The following GABRB2 variants were observed in gnomAD, a reference collection of about 807,000 sequenced individuals.
GABRB2 encodes gamma-aminobutyric acid receptor subunit beta-2.
In GABRB2, 16 loss-of-function variants were observed where a neutral mutation model predicts 54.7. The ratio of observed to expected loss-of-function variants is 0.29; its 90% CI spans 0.20 to 0.44. GABRB2 has a LOEUF of 0.44. GABRB2 is among the 20% of genes least tolerant of loss of function. GABRB2 has a pLI of 1.00. For missense variants in GABRB2, 355 were observed against 644.0 expected (o/e 0.55, Z 4.86); for synonymous variants, 244 against 233.8 (o/e 1.04, Z -0.40).
chr5:161,534,064 A>C (rs1218110702), intron 3 of GABRB2, among the ~76,000 whole-genome samples: 1 of 152,196 alleles, frequency 6.6e-6, no homozygotes, highest in African/African-American at 2.4e-5. Context: ...AATGGTAATT[A>C]GGCACAAAAA....
intron 3 of GABRB2, among the ~76,000 whole-genome samples, chr5:161,479,865 G>A (rs566310748): frequency 6.6e-6 from 1 of 152,008 alleles, no homozygotes; most frequent in African/African-American, 2.4e-5. Flanking sequence ...TGGGATTACA[G>A]GTGTGAGTCA....
chr5:161,463,547 ATT>A (rs201395694), intron 3 of GABRB2, among the ~76,000 whole-genome samples: 3,011 of 31,346 alleles, frequency 0.096, 127 homozygotes, highest in Non-Finnish European at 0.11. Context: ...GATTCCAAAT[ATT>A]TTTATTTATA....
At chr5:161,311,260 G>A (rs1179923539) in intron 9 of GABRB2, among the ~76,000 whole-genome samples, 3 of 152,210 alleles carry the variant, frequency 2.0e-5, no homozygotes, top group Non-Finnish European at 4.4e-5. Context: ...GAGCTTTTCA[G>A]AGACTTAGCT....
At chr5:161,455,249 G>C (rs915373243) in intron 4 of GABRB2, among the ~76,000 whole-genome samples, 2 of 150,492 alleles carry the variant, frequency 1.3e-5, no homozygotes, top group Admixed American at 6.6e-5. Context: ...GTGGTAGCAA[G>C]GTTCTGGCTG....
chr5:161,449,033 A>G (rs1757716760), intron 4 of GABRB2, among the ~76,000 whole-genome samples: 1 of 152,258 alleles, frequency 6.6e-6, no homozygotes, highest in East Asian at 1.9e-4. Context: ...ATGAATACTC[A>G]GTTCTTTTTA....
chr5:161,360,106 T>TATGTATTTCATA (rs1300800842), intron 5 of GABRB2, among the ~76,000 whole-genome samples: 4 of 151,934 alleles, frequency 2.6e-5, no homozygotes, highest in African/African-American at 9.7e-5. Flanking sequence ...GTAAAAAGAT[T>TATGTATTTCATA]ATGTATTTCA....
At chr5:161,407,455 A>G (rs1756379074) in intron 5 of GABRB2, among the ~76,000 whole-genome samples, 1 of 152,072 alleles carries the variant, frequency 6.6e-6, no homozygotes, top group East Asian at 1.9e-4. Flanking sequence ...TTGTACTAAC[A>G]GTTCTAAATT....
chr5:161,305,472 G>C (rs1757663660), intron 9 of GABRB2, among the ~76,000 whole-genome samples: 1 of 152,194 alleles, frequency 6.6e-6, no homozygotes, highest in African/African-American at 2.4e-5. Context: ...AGGTAGGAAT[G>C]AGAATCTGCC....
At chr5:161,485,840 G>C (rs1322814934) in intron 3 of GABRB2, among the ~76,000 whole-genome samples, 1 of 151,890 alleles carries the variant, frequency 6.6e-6, no homozygotes, top group South Asian at 2.1e-4. Context: ...TTTACACCCT[G>C]GAACTTTCCA....
chr5:161,459,926 G>GA (rs1377279595), intron 3 of GABRB2, 82 bp from the exon 4 acceptor site: 3 of 709,208 alleles, frequency 4.2e-6, no homozygotes, highest in Non-Finnish European at 7.0e-6. Flanking sequence ...GTATTAATAA[G>GA]AAAATGAATT....
chr5:161,309,613 C>A (rs373907348), intron 9 of GABRB2, among the ~76,000 whole-genome samples: 6 of 151,786 alleles, frequency 4.0e-5, no homozygotes, highest in East Asian at 3.9e-4. Context: ...AACCTAAATG[C>A]CCATCAGTGA....
chr5:161,404,277 A>G (rs917962186), intron 5 of GABRB2, among the ~76,000 whole-genome samples: 1 of 152,122 alleles, frequency 6.6e-6, no homozygotes, highest in Non-Finnish European at 1.5e-5. Flanking sequence ...ATTCAAGAAA[A>G]TATCAAAATA....
At chr5:161,366,394 T>C (rs1754974103) in intron 5 of GABRB2, among the ~76,000 whole-genome samples, 1 of 152,192 alleles carries the variant, frequency 6.6e-6, no homozygotes, top group Non-Finnish European at 1.5e-5. Flanking sequence ...CACATTTGGA[T>C]ACTTGAATCT....
chr5:161,511,958 G>C (rs1277873356), intron 3 of GABRB2, among the ~76,000 whole-genome samples: 1 of 151,930 alleles, frequency 6.6e-6, no homozygotes, highest in Non-Finnish European at 1.5e-5. Flanking sequence ...ATATGAATTT[G>C]AGTCACACAA....
rs762123522 is a variant in GABRB2, at chr5:161,465,445, G to C, written c.238-5601C>G. 1.4e-3 allele frequency among the ~76,000 whole-genome samples: 218 copies of C among 152,044 alleles called. 1 individual carries two copies. Among genetic ancestry groups the C allele is most frequent in the Non-Finnish European group, 4.6e-4 (31 of 67,998 alleles). On this transcript the variant is annotated intron_variant, in intron 3 of 9. Coordinates refer to ENST00000393959, the MANE Select transcript of GABRB2 (RefSeq NM_001371727.1). Reference sequence around the variant, plus strand: ...CTAGGGATGAAATAATTCCATTCTAGAAAATCCTCTGCTGACCTTATATTC... The same window carrying C: ...CTAGGGATGAAATAATTCCATTCTACAAAATCCTCTGCTGACCTTATATTC...
intron 5 of GABRB2, among the ~76,000 whole-genome samples, chr5:161,407,133 G>A (rs1580959199): frequency 6.6e-6 from 1 of 152,036 alleles, no homozygotes; most frequent in Non-Finnish European, 1.5e-5. Context: ...CAGTTCACAC[G>A]CCCTAAGTGG....
chr5:161,321,240 A>T (rs966494333), intron 9 of GABRB2, among the ~76,000 whole-genome samples: 20 of 152,214 alleles, frequency 1.3e-4, no homozygotes, highest in African/African-American at 4.6e-4. Flanking sequence ...AAAATAAAAG[A>T]GTAAATACTA....
intron 3 of GABRB2, among the ~76,000 whole-genome samples, chr5:161,500,757 C>G (rs375312553): frequency 6.6e-6 from 1 of 152,102 alleles, no homozygotes; most frequent in African/African-American, 2.4e-5. Context: ...TGTTTCCAAA[C>G]ATAACAGGCA....
chr5:161,342,975 G>A (rs544879808), intron 5 of GABRB2, among the ~76,000 whole-genome samples: 20 of 152,148 alleles, frequency 1.3e-4, no homozygotes, highest in African/African-American at 4.8e-4. Flanking sequence ...TCAGTCCACC[G>A]TTAGAATGAA....
Sources: allele counts gnomAD v4.1 joint callset (sites outside exome capture counted in the v4.1 genomes callset), GRCh38; gene constraint gnomAD v4.1.1; transcripts MANE v1.5; gene names NCBI Gene and HGNC (gene_info 2026-07-23, HGNC 2026-07-21).